Variants in PLEKHN1 observed in about 807,000 individuals in gnomAD.
The protein encoded by PLEKHN1 is pleckstrin homology domain containing N1.
Under a neutral mutation model 72.8 loss-of-function variants are expected in PLEKHN1, and 68 were observed. The ratio of observed to expected loss-of-function variants is 0.93; its 90% confidence interval spans 0.77 to 1.14. The LOEUF (loss-of-function observed/expected upper bound fraction) is 1.14, where lower values mean the gene tolerates loss of function less well. Ranked by LOEUF, PLEKHN1 falls within the 50% of genes most tolerant of loss-of-function variation. The pLI is 0.00. For missense variants in PLEKHN1, 1,015 were observed against 840.5 expected (o/e 1.21, Z -2.57); for synonymous variants, 454 against 371.6 (o/e 1.22, Z -2.55).
At position 974,868 on chromosome 1, in the gene PLEKHN1, G is replaced by A; in HGVS notation, c.*293G>A. ...CGGCCCTCAGCTCAGCCCGCCAGGAGTCAGGGAGGAGACTCGCTGGGAGTG... is the reference window on the plus strand; with the variant it reads ...CGGCCCTCAGCTCAGCCCGCCAGGAATCAGGGAGGAGACTCGCTGGGAGTG... On this transcript the variant is annotated 3_prime_UTR_variant, in exon 16 of 16. Coordinates refer to ENST00000379410, the MANE Select transcript of PLEKHN1 (RefSeq NM_032129.3). 1 of 446,302 alleles carries A rather than the reference G, an allele frequency of 2.2e-6. No individual in the cohort carries two copies. The highest frequency in any genetic ancestry group is 4.1e-6 in the Non-Finnish European group (1 of 246,262). 27.6% of individuals were successfully genotyped at this position (446,302 alleles called of 1,614,324 possible). A position where few individuals can be genotyped will look rare whatever the true frequency, so the allele number is the denominator to read the frequency against.
rs1482018129 is a variant in PLEKHN1 at position 973,333 on chromosome 1, C to T, written c.1293+7C>T. On this transcript the variant is annotated splice_region_variant and intron_variant, in intron 12 of 15. Transcript: ENST00000379410. The stretch of plus-strand genomic sequence containing the variant: ...GCACCTGGACCTGACCCAGGTGGGC[C>T]CAGCACACCCACACAGCCCCTGGCC... The T allele has an allele frequency of 1.3e-6, 2 of 1,548,700 alleles. No homozygotes were observed. The highest frequency in any genetic ancestry group is 8.7e-7 in the Non-Finnish European group (1 of 1,143,258).
Position 971,139 on chromosome 1 carries a change from G to T in PLEKHN1, c.639G>T (p.Ala213=). The T allele has an allele frequency of 6.2e-7, 1 of 1,600,956 alleles. No individual in the cohort carries two copies. The change falls in exon 7 of 16, where the codon GCG becomes GCT. Residue 213 remains alanine, a synonymous_variant. Transcript: ENST00000379410. ...PQRRLTRLRT[A]SGHEPGGSAV... is the part of the protein sequence containing the mutation. ...GCCGTCTAACCCGGCTGCGGACGGCGTCAGGGCACGAACCCGGCGGCAGTG... is the reference window on the plus strand; with the variant it reads ...GCCGTCTAACCCGGCTGCGGACGGCTTCAGGGCACGAACCCGGCGGCAGTG...
At chr1:967,220 A>C (rs917744139) in intron 2 of PLEKHN1, among the ~76,000 whole-genome samples, 14 of 152,176 alleles carry the variant, frequency 9.2e-5, no homozygotes, top group Non-Finnish European at 1.8e-4. Context: ...TCCCGCAGGA[A>C]GTTGCCGCTG....
chr1:972,109 T>A lies in PLEKHN1; in HGVS notation c.824T>A (p.Leu275Gln). ...CCACTCCGTGCCGTCCACATCAACC[T>A]GGAGGAGAAGGAGAAGCAGATCCGC... ...ELPLRAVHIN[L>Q]EEKEKQIRSF... The change falls in exon 9 of 16, where the codon CTG (leucine) becomes CAG (glutamine). Residue 275 changes from leucine (L) to glutamine (Q), a missense_variant. Coordinates refer to ENST00000379410, the MANE Select transcript of PLEKHN1 (RefSeq NM_032129.3). 6.2e-7 allele frequency: 1 copy of A among 1,613,110 alleles called. No individual in the cohort carries two copies. Among genetic ancestry groups the A allele is most frequent in the Non-Finnish European group, 8.5e-7 (1 of 1,179,902 alleles).
Position 970,510 on chromosome 1 carries a change from T to C in PLEKHN1, c.331-11T>C. On this transcript the variant is annotated splice_polypyrimidine_tract_variant and intron_variant, in intron 3 of 15. Transcript: ENST00000379410. The surrounding 1 kb of genome is among the most constrained non-coding windows in gnomAD (Gnocchi z 4.2). Reference sequence around the variant, plus strand: ...CCAGACTCCGCACTGACGACCCTGCTCCCCGCGCAGGATGTCAGCGACTGC... The same window carrying C: ...CCAGACTCCGCACTGACGACCCTGCCCCCCGCGCAGGATGTCAGCGACTGC... 6.2e-7 allele frequency: 1 copy of C among 1,612,832 alleles called. No individual in the cohort carries two copies. The highest frequency in any genetic ancestry group is 1.3e-5 in the African/African-American group (1 of 74,962).
Position 973,686 on chromosome 1 carries a change from C to T in PLEKHN1, c.1434+46C>T, listed in dbSNP as rs1036491626. ...CAGAAAGGGTGGGAGGTGCCTGCAG[C>T]CTGAGGCTGGGGAGGTCTAGACCGT... is the stretch of plus-strand genomic sequence containing the variant. On this transcript the variant is annotated intron_variant, in intron 13 of 15. Coordinates refer to ENST00000379410, the MANE Select transcript of PLEKHN1 (RefSeq NM_032129.3). 4 of 1,603,076 alleles carry T rather than the reference C, an allele frequency of 2.5e-6. No homozygotes were observed. In the Admixed American group the frequency reaches 6.7e-5, roughly 27 times the overall value.
intron 10 of PLEKHN1, among the ~76,000 whole-genome samples, 159 bp from the exon 11 acceptor site, chr1:972,702 G>A (rs1255706103): frequency 2.0e-5 from 3 of 151,792 alleles, no homozygotes; most frequent in East Asian, 1.9e-4. Flanking sequence ...GGAGGCGGAG[G>A]TTGCAGTGAG....
rs1445297297 is a variant in PLEKHN1 at position 966,622 on chromosome 1, G to A, written c.83+8G>A. The A allele has an allele frequency of 1.0e-5, 16 of 1,606,274 alleles. 1 individual carries two copies. Among genetic ancestry groups the A allele is most frequent in the Middle Eastern group, 1.6e-4 (1 of 6,064 alleles). On this transcript the variant is annotated splice_region_variant and intron_variant, in intron 1 of 15. Coordinates refer to ENST00000379410, the MANE Select transcript of PLEKHN1 (RefSeq NM_032129.3). ...CTCGCTGAAGGGAAACAGGTGAGCG[G>A]GGCGTGGGTGCGGCCACCTGGGCGC...
intron 2 of PLEKHN1, among the ~76,000 whole-genome samples, chr1:969,393 G>T (rs1047403113): frequency 6.6e-6 from 1 of 152,014 alleles, no homozygotes; most frequent in African/African-American, 2.4e-5. Context: ...GCACACATCT[G>T]TGTGTATATG....
At chr1:971,930 C>T (rs971203166) in intron 8 of PLEKHN1, 145 bp from the exon 9 acceptor site, 16 of 746,366 alleles carry the variant, frequency 2.1e-5, no homozygotes, top group African/African-American at 3.5e-5. Flanking sequence ...ACATGGGACC[C>T]ACTGGCCTCC....
Position 974,807 on chromosome 1 carries a change from G to C in PLEKHN1, c.*232G>C. 1.6e-6 allele frequency: 1 copy of C among 607,126 alleles called. No homozygotes were observed. Among genetic ancestry groups the C allele is most frequent in the Non-Finnish European group, 2.8e-6 (1 of 354,114 alleles). 37.6% of individuals were successfully genotyped at this position (607,126 alleles called of 1,614,324 possible). On this transcript the variant is annotated 3_prime_UTR_variant, in exon 16 of 16. Coordinates refer to ENST00000379410, the MANE Select transcript of PLEKHN1 (RefSeq NM_032129.3). Reference sequence around the variant, plus strand: ...AGGATGCCCTGGCCAGCGAGGCTGGGTCACAGGTCAGGGAGGTCCTGGCCG... The same window carrying C: ...AGGATGCCCTGGCCAGCGAGGCTGGCTCACAGGTCAGGGAGGTCCTGGCCG...
At chr1:972,625 G>A (rs1406180476) in intron 10 of PLEKHN1, among the ~76,000 whole-genome samples, 3 of 152,138 alleles carry the variant, frequency 2.0e-5, no homozygotes, top group Admixed American at 6.5e-5. Flanking sequence ...AAAATTAGCC[G>A]GGCATGGCGG....
At chr1:973,062 GGT>G (rs1204529073) in intron 11 of PLEKHN1, 52 bp downstream of exon 11, 1 of 1,557,022 alleles carries the variant, frequency 6.4e-7, no homozygotes, top group East Asian at 2.3e-5. Context: ...CTGTCGGGTA[GGT>G]GTGTGTTGGG....
intron 14 of PLEKHN1, 59 bp from the exon 15 acceptor site, chr1:974,257 C>T (rs577122448): frequency 6.2e-7 from 1 of 1,611,496 alleles, no homozygotes; most frequent in East Asian, 2.2e-5. Flanking sequence ...GACAGGCCGC[C>T]TCCAAGCTCC....
Position 975,533 on chromosome 1 carries a change from G to C in PLEKHN1, c.*958G>C, listed in dbSNP as rs541634853. On this transcript the variant is annotated 3_prime_UTR_variant, in exon 16 of 16. Coordinates refer to ENST00000379410, the MANE Select transcript of PLEKHN1 (RefSeq NM_032129.3). ...CCACCCTGCAGGGGCTGCTGCACTG[G>C]GGAGGGGCAGGCAGAGCCTTCGCTG... The C allele has an allele frequency of 6.6e-6, 1 of 152,520 alleles. No homozygotes were observed. Among genetic ancestry groups the C allele is most frequent in the Admixed American group, 6.5e-5 (1 of 15,314 alleles). 9.4% of individuals were successfully genotyped at this position (152,520 alleles called of 1,614,324 possible). A position where few individuals can be genotyped will look rare whatever the true frequency, so the allele number is the denominator to read the frequency against.
In PLEKHN1 at chr1:970,764, T is replaced by G; in HGVS notation, c.484+6T>G. On this transcript the variant is annotated splice_donor_region_variant and intron_variant, in intron 5 of 15. Coordinates refer to ENST00000379410, the MANE Select transcript of PLEKHN1 (RefSeq NM_032129.3). The surrounding 1 kb of genome is among the most constrained non-coding windows in gnomAD (Gnocchi z 4.2). ...GCACGCCTTCCAGATCACAGGTGTT[T>G]GGGATGCTTCCCGGGCCCCCAGAGG... is the stretch of plus-strand genomic sequence containing the variant. The G allele has an allele frequency of 6.2e-7, 1 of 1,612,650 alleles. No individual in the cohort carries two copies. Among genetic ancestry groups the G allele is most frequent in the East Asian group, 2.2e-5 (1 of 44,884 alleles).
rs751992319 is a variant in PLEKHN1 at position 970,836 on chromosome 1, A to G, written c.485-43A>G. 1.2e-6 allele frequency: 2 copies of G among 1,612,450 alleles called. No individual in the cohort carries two copies. Among genetic ancestry groups the G allele is most frequent in the Non-Finnish European group, 1.7e-6 (2 of 1,179,922 alleles). On this transcript the variant is annotated intron_variant, in intron 5 of 15. Coordinates refer to ENST00000379410, the MANE Select transcript of PLEKHN1 (RefSeq NM_032129.3). The surrounding 1 kb of genome is among the most constrained non-coding windows in gnomAD (Gnocchi z 4.2). ...AGAGGGGCCTGCCCTGTGGCTGCGG[A>G]GCACGTGTGTGTATGTGTGTGCCCT...
rs374263349 is a variant in PLEKHN1 at position 970,481 on chromosome 1, C to G, written c.331-40C>G. On this transcript the variant is annotated intron_variant, in intron 3 of 15. Transcript: ENST00000379410. The surrounding 1 kb of genome is among the most constrained non-coding windows in gnomAD (Gnocchi z 4.2). ...GTGCAGCATCCCCATCAGCCTGGGGCTCCCCAGACTCCGCACTGACGACCC... is the reference window on the plus strand; with the variant it reads ...GTGCAGCATCCCCATCAGCCTGGGGGTCCCCAGACTCCGCACTGACGACCC... The G allele has an allele frequency of 3.0e-4, 481 of 1,613,038 alleles. 7 individuals are homozygous for G. The South Asian group carries it at 5.1e-3, about 17-fold the overall frequency.
At chr1:974,233 G>C in intron 14 of PLEKHN1, 83 bp from the exon 15 acceptor site, 5 of 1,593,178 alleles carry the variant, frequency 3.1e-6, no homozygotes, top group Non-Finnish European at 4.3e-6. Flanking sequence ...GGGGGACATG[G>C]GGGGCTGCAC....
Sources: allele counts gnomAD v4.1 joint callset (sites outside exome capture counted in the v4.1 genomes callset), GRCh38; gene constraint gnomAD v4.1.1; non-coding constraint Gnocchi (gnomAD v3.1); transcripts MANE v1.5; gene names NCBI Gene and HGNC (gene_info 2026-07-23, HGNC 2026-07-21).